The following IQGAP2 variants were observed in gnomAD, a reference collection of about 807,000 sequenced individuals.
The protein encoded by IQGAP2 is ras GTPase-activating-like protein IQGAP2.
IQGAP2 carries 173 observed loss-of-function variants against 201.3 expected under a neutral mutation model. That is an observed-to-expected ratio of 0.86 (90% CI 0.76 to 0.98). The LOEUF is 0.98. Ranked by LOEUF, IQGAP2 falls within the 50% of genes least tolerant of loss-of-function variation. The pLI, the probability that IQGAP2 is intolerant of heterozygous loss-of-function variation, is 0.00. For synonymous variants in IQGAP2, 675 were observed against 673.9 expected (o/e 1.00, Z -0.03); for missense variants, 1,687 against 1,864.8 (o/e 0.90, Z 1.76).
At chr5:76,428,680 G>A (rs372416804) in intron 1 of IQGAP2, among the ~76,000 whole-genome samples, 2 of 147,320 alleles carry the variant, frequency 1.4e-5, no homozygotes, top group East Asian at 2.2e-4. Context: ...TGATCCACCC[G>A]TCTCAGCCTC....
In IQGAP2 at chr5:76,683,791, A is replaced by T; in HGVS notation, c.3779A>T (p.Asp1260Val). The change falls in exon 30 of 36, where the codon GAC becomes GTC. Residue 1260 changes from aspartate to valine, a missense_variant. Physicochemically the swap from Asp to Val is radical, Grantham distance 152. Transcript: ENST00000274364. ...TTCCCTACAGGGGAAGGAGCAGTTG[A>T]CCCCAATGACCCTAACAAGGCAAAT... ...VESFLGEGAV[D>V]PNDPNKANTL... 2 of 1,611,438 alleles carry T rather than the reference A, an allele frequency of 1.2e-6. No individual in the cohort carries two copies. Among genetic ancestry groups the T allele is most frequent in the South Asian group, 1.1e-5 (1 of 90,374 alleles).
chr5:76,410,203 C>T (rs1413252050), intron 1 of IQGAP2, among the ~76,000 whole-genome samples: 5 of 152,062 alleles, frequency 3.3e-5, no homozygotes, highest in African/African-American at 7.2e-5. Context: ...ATTTGGATGG[C>T]GGCAATGGGA....
At chr5:76,523,263 A>C (rs1184952917) in intron 2 of IQGAP2, among the ~76,000 whole-genome samples, 1 of 151,694 alleles carries the variant, frequency 6.6e-6, no homozygotes, top group Non-Finnish European at 1.5e-5. Flanking sequence ...TTAAAAAAAA[A>C]AAATTTTGTA....
chr5:76,698,026 G>T lies in IQGAP2; in HGVS notation c.4246G>T (p.Ala1416Ser). 1 of 1,613,394 alleles carries T rather than the reference G, an allele frequency of 6.2e-7. No individual in the cohort carries two copies. The highest frequency in any genetic ancestry group is 2.2e-5 in the East Asian group (1 of 44,810). Reference protein sequence around the residue: ...NQRIYRKLRKAELAKLQQTLN... With the variant: ...NQRIYRKLRKSELAKLQQTLN... ...AAGAATCTATCGTAAGCTTCGAAAA[G>T]CTGAATTGGCAAAACTTCAGCAGAC... The change falls in exon 33 of 36, where the codon GCT becomes TCT. Residue 1416 changes from alanine to serine, a missense_variant. Ala to Ser is a moderately conservative substitution (Grantham distance 99). Coordinates refer to ENST00000274364, the MANE Select transcript of IQGAP2 (RefSeq NM_006633.5).
At chr5:76,597,281 A>G (rs1232200322) in intron 9 of IQGAP2, 158 bp from the exon 10 acceptor site, 3 of 660,114 alleles carry the variant, frequency 4.5e-6, no homozygotes, top group African/African-American at 1.8e-5. Flanking sequence ...AATTACTGAG[A>G]TAACATTTTC....
chr5:76,462,767 A>G (rs1177774913), intron 2 of IQGAP2, among the ~76,000 whole-genome samples: 4 of 152,184 alleles, frequency 2.6e-5, no homozygotes, highest in Non-Finnish European at 1.5e-5. Flanking sequence ...TGACATCAAA[A>G]TTGCTTTCAA....
intron 9 of IQGAP2, among the ~76,000 whole-genome samples, chr5:76,595,409 G>T (rs1746957401): frequency 6.7e-6 from 1 of 148,238 alleles, no homozygotes; most frequent in Admixed American, 6.8e-5. Context: ...GTTAAATGCA[G>T]AGTGTAAAAG....
At chr5:76,606,396 C>G in intron 12 of IQGAP2, 93 bp downstream of exon 12, 1 of 1,185,282 alleles carries the variant, frequency 8.4e-7, no homozygotes, top group Non-Finnish European at 1.1e-6. Flanking sequence ...AGTTTTTGCT[C>G]AAGGAACTTT....
chr5:76,502,240 C>G (rs1028303504), intron 2 of IQGAP2, among the ~76,000 whole-genome samples: 2 of 152,146 alleles, frequency 1.3e-5, no homozygotes, highest in African/African-American at 4.8e-5. Context: ...TCTGCGAACT[C>G]AAAGATGTGT....
chr5:76,694,461 A>G (rs1259312400), intron 31 of IQGAP2, among the ~76,000 whole-genome samples: 1 of 152,206 alleles, frequency 6.6e-6, no homozygotes, highest in Non-Finnish European at 1.5e-5. Context: ...GACTTCTGAG[A>G]TCAACTATAC....
intron 31 of IQGAP2, 82 bp downstream of exon 31, chr5:76,693,524 C>A (rs551858841): frequency 6.1e-5 from 56 of 911,702 alleles, no homozygotes; most frequent in Middle Eastern, 2.2e-4. Flanking sequence ...TTTATTATCT[C>A]AGAGAAACTG....
chr5:76,689,292 T>G, intron 30 of IQGAP2, among the ~76,000 whole-genome samples: 1 of 128,018 alleles, frequency 7.8e-6, no homozygotes, highest in African/African-American at 3.0e-5. Context: ...AGTCGAGGGG[T>G]CTTAGGGATG....
rs183041693 is a variant in IQGAP2, at chr5:76,479,009, G to A, written c.146+17340G>A. Among the ~76,000 whole-genome samples the A allele has an allele frequency of 6.6e-5, 10 of 152,090 alleles. No homozygotes were observed. In the South Asian group the frequency reaches 8.3e-4, roughly 13 times the overall value. On this transcript the variant is annotated intron_variant, in intron 2 of 35. Transcript: ENST00000274364. ...CCTGCTCACAACTTTCATAGGCTCC[G>A]TTTTCCCTGCAGGATCATGGAAGGG...
intron 11 of IQGAP2, among the ~76,000 whole-genome samples, chr5:76,601,607 G>A (rs1195116512): frequency 6.6e-6 from 1 of 152,230 alleles, no homozygotes; most frequent in Non-Finnish European, 1.5e-5. Context: ...GAGAGTCGCT[G>A]AGATAAAAGC....
At chr5:76,432,128 C>CTTTT (rs70982606) in intron 1 of IQGAP2, among the ~76,000 whole-genome samples, 17 of 95,320 alleles carry the variant, frequency 1.8e-4, no homozygotes, top group African/African-American at 3.1e-4. Context: ...TTTCTTTCTT[C>CTTTT]TTTTTTTTTT....
chr5:76,597,216 C>T (rs1747094025), intron 9 of IQGAP2: 2 of 553,070 alleles, frequency 3.6e-6, no homozygotes, highest in African/African-American at 3.8e-5. Context: ...ATACCCTAAG[C>T]TCCATCAATG....
rs146523604 is a variant in IQGAP2, at chr5:76,701,225, C to T, written c.4505+12C>T. 31 of 1,613,350 alleles carry T rather than the reference C, an allele frequency of 1.9e-5. No individual in the cohort carries two copies. The highest frequency in any genetic ancestry group is 2.5e-5 in the Non-Finnish European group (30 of 1,179,488). ...CTTCAAACAAACCAGTAAGTGTGAC[C>T]TGGAATCTGCATAGAACACGCATGC... On this transcript the variant is annotated intron_variant, in intron 34 of 35. Transcript: ENST00000274364.
intron 2 of IQGAP2, among the ~76,000 whole-genome samples, chr5:76,475,315 A>G (rs141136913): frequency 1.5e-4 from 23 of 152,304 alleles, no homozygotes; most frequent in African/African-American, 4.8e-4. Context: ...CAGAGCCAAT[A>G]AGCATTTTCA....
chr5:76,413,156 C>CTTTTTTTTTTT (rs567410789), intron 1 of IQGAP2, among the ~76,000 whole-genome samples: 14 of 83,718 alleles, frequency 1.7e-4, no homozygotes, highest in African/African-American at 2.1e-4. Context: ...TTTCTTTTCT[C>CTTTTTTTTTTT]TTTTTTTTTT....
Sources: allele counts gnomAD v4.1 joint callset (sites outside exome capture counted in the v4.1 genomes callset), GRCh38; gene constraint gnomAD v4.1.1; transcripts MANE v1.5; gene names NCBI Gene and HGNC (gene_info 2026-07-23, HGNC 2026-07-21).